Variants in ROBO1 observed in about 807,000 individuals in gnomAD.
The protein encoded by ROBO1 is roundabout homolog 1.
ROBO1 carries 149 observed loss-of-function variants against 195.9 expected under a neutral mutation model. The ratio of observed to expected loss-of-function variants is 0.76; its 90% CI spans 0.67 to 0.87. The LOEUF is 0.87. Among genes scored for constraint, ROBO1 ranks in the 40% least tolerant of loss-of-function variants. The pLI, the probability that ROBO1 is intolerant of heterozygous loss-of-function variation, is 0.00. For synonymous variants in ROBO1, 816 were observed against 733.2 expected (o/e 1.11, Z -1.82); for missense variants, 1,933 against 2,068.3 (o/e 0.93, Z 1.27).
Position 78,635,895 on chromosome 3 carries a change from C to G in ROBO1, c.3251G>C (p.Ser1084Thr). ...ATTQLIQSNL[S>T]NNMNNGSGDS... ...CCCGCTGCCATTGTTCATGTTGTTG[C>G]TGAGGTTTGACTGGATGAGCTGAGT... The change falls in exon 23 of 31, where the codon AGC (serine) becomes ACC (threonine). Residue 1084 changes from serine (S) to threonine (T), a missense_variant. Ser to Thr is a moderately conservative substitution (Grantham distance 58). Transcript: ENST00000464233. 1.2e-6 allele frequency: 2 copies of G among 1,613,864 alleles called. No individual in the cohort carries two copies. The highest frequency in any genetic ancestry group is 1.7e-6 in the Non-Finnish European group (2 of 1,179,842).
intron 3 of ROBO1, among the ~76,000 whole-genome samples, chr3:79,086,559 G>A (rs1338420555): frequency 6.6e-6 from 1 of 152,122 alleles, no homozygotes. Context: ...AAGATAAGCT[G>A]CCCAGACAGC....
chr3:79,037,475 A>G (rs1484805652), intron 3 of ROBO1, among the ~76,000 whole-genome samples: 1 of 152,148 alleles, frequency 6.6e-6, no homozygotes, highest in Non-Finnish European at 1.5e-5. Flanking sequence ...CAAGATCAAT[A>G]TTAGAAAGAG....
At chr3:78,995,643 G>A (rs969888309) in intron 3 of ROBO1, among the ~76,000 whole-genome samples, 1 of 140,306 alleles carries the variant, frequency 7.1e-6, no homozygotes, top group African/African-American at 2.6e-5. Context: ...GCTCAGGCTT[G>A]TAATCCCAAT....
intron 1 of ROBO1, among the ~76,000 whole-genome samples, chr3:79,745,684 G>A (rs1703843488): frequency 6.6e-6 from 1 of 152,060 alleles, no homozygotes; most frequent in Admixed American, 6.6e-5. Flanking sequence ...AGATAGCCAA[G>A]GTGTAACAAA....
intron 2 of ROBO1, among the ~76,000 whole-genome samples, chr3:79,398,276 T>TA (rs1220359192): frequency 5.9e-5 from 9 of 152,148 alleles, no homozygotes; most frequent in African/African-American, 2.2e-4. Flanking sequence ...ATATACATAC[T>TA]AATATGTTCA....
chr3:79,696,610 G>A (rs1181686734), intron 1 of ROBO1, among the ~76,000 whole-genome samples: 4 of 151,100 alleles, frequency 2.6e-5, no homozygotes, highest in African/African-American at 7.3e-5. Flanking sequence ...AAATTAATAA[G>A]GATAATATCA....
At chr3:79,651,354 A>T (rs902224650) in intron 1 of ROBO1, among the ~76,000 whole-genome samples, 2 of 152,110 alleles carry the variant, frequency 1.3e-5, no homozygotes, top group African/African-American at 4.8e-5. Flanking sequence ...AATATTTATG[A>T]TATTTTTCTG....
intron 2 of ROBO1, among the ~76,000 whole-genome samples, chr3:79,281,868 A>G (rs955725155): frequency 6.6e-6 from 1 of 152,220 alleles, no homozygotes; most frequent in Non-Finnish European, 1.5e-5. Flanking sequence ...TGAATTTAAT[A>G]TTTTTGACAG....
In ROBO1 at chr3:78,903,550, T is replaced by TACACAC. The variant is rs146975185; in HGVS notation, c.499+35045_499+35050dup. Among the ~76,000 whole-genome samples, 726 of 143,428 alleles carry TACACAC rather than the reference T, an allele frequency of 5.1e-3. 10 individuals carry two copies. The highest frequency in any genetic ancestry group is 0.016 in the African/African-American group (620 of 39,728). The allele number at this position is 143,428 out of a possible 152,430, so 94.1% of individuals were successfully genotyped here. ...TAGAAAACTGGGACAATAAAAGAAGTACACACACACACACACACACACACA... is the reference window on the plus strand; with the variant it reads ...TAGAAAACTGGGACAATAAAAGAAGTACACACACACACACACACACACACACACACA... On this transcript the variant is annotated intron_variant, in intron 4 of 30. Transcript: ENST00000464233.
chr3:78,763,289 T>C (rs2083151023), intron 4 of ROBO1, among the ~76,000 whole-genome samples: 1 of 152,154 alleles, frequency 6.6e-6, no homozygotes, highest in Non-Finnish European at 1.5e-5. Context: ...TTTTTTGGTA[T>C]CCTAATGGCT....
chr3:79,390,991 T>C (rs1219938210), intron 2 of ROBO1, among the ~76,000 whole-genome samples: 1 of 152,016 alleles, frequency 6.6e-6, no homozygotes, highest in Non-Finnish European at 1.5e-5. Flanking sequence ...AGCATAGTTC[T>C]TAATGAGTTG....
At chr3:79,685,271 G>T (rs1320369748) in intron 1 of ROBO1, among the ~76,000 whole-genome samples, 2 of 152,100 alleles carry the variant, frequency 1.3e-5, no homozygotes, top group Non-Finnish European at 2.9e-5. Flanking sequence ...TCCTGCTTGT[G>T]CAGGGTTCAA....
intron 4 of ROBO1, among the ~76,000 whole-genome samples, chr3:78,933,457 T>C (rs144835253): frequency 2.0e-5 from 3 of 152,276 alleles, no homozygotes; most frequent in East Asian, 1.9e-4. Context: ...ATGCATGCTA[T>C]ATTTACTTCA....
intron 2 of ROBO1, among the ~76,000 whole-genome samples, chr3:79,148,303 T>C (rs538427016): frequency 2.6e-5 from 4 of 151,998 alleles, no homozygotes; most frequent in African/African-American, 7.2e-5. Flanking sequence ...TGAAAGACTA[T>C]ATACAGAATG....
chr3:79,577,718 AC>A (rs1943534719), intron 2 of ROBO1, among the ~76,000 whole-genome samples: 1 of 35,626 alleles, frequency 2.8e-5, no homozygotes, highest in African/African-American at 3.1e-4. Flanking sequence ...TTTACTAAAA[AC>A]ACACACACAC....
At chr3:79,000,800 T>C (rs908669237) in intron 3 of ROBO1, among the ~76,000 whole-genome samples, 9 of 152,192 alleles carry the variant, frequency 5.9e-5, no homozygotes, top group African/African-American at 1.9e-4. Flanking sequence ...TAAATCATTC[T>C]ACTATAAAGA....
At chr3:79,669,109 T>C (rs919585649) in intron 1 of ROBO1, among the ~76,000 whole-genome samples, 14 of 151,888 alleles carry the variant, frequency 9.2e-5, no homozygotes, top group Non-Finnish European at 1.6e-4. Flanking sequence ...CTACGTGTTG[T>C]GGGAAAGACC....
chr3:79,597,128 C>T (rs927224667), intron 1 of ROBO1, among the ~76,000 whole-genome samples: 5 of 149,382 alleles, frequency 3.3e-5, no homozygotes, highest in African/African-American at 7.3e-5. Flanking sequence ...TGTGCATGCA[C>T]GTGTGTGTGT....
Position 78,662,122 on chromosome 3 carries a change from A to G in ROBO1, c.1967-8T>C. ...GACTTGTTGGTAGGACATCTACAAC[A>G]AGTCAAGAAAACTGTGTCAGGGTCT... is the stretch of plus-strand genomic sequence containing the variant. On this transcript the variant is annotated splice_region_variant and splice_polypyrimidine_tract_variant and intron_variant, in intron 14 of 30. Transcript: ENST00000464233. 6.4e-7 allele frequency: 1 copy of G among 1,554,086 alleles called. No individual in the cohort carries two copies. Among genetic ancestry groups the G allele is most frequent in the South Asian group, 1.2e-5 (1 of 84,122 alleles).
Sources: allele counts gnomAD v4.1 joint callset (sites outside exome capture counted in the v4.1 genomes callset), GRCh38; gene constraint gnomAD v4.1.1; transcripts MANE v1.5; gene names NCBI Gene and HGNC (gene_info 2026-07-23, HGNC 2026-07-21).